CREB5: variants seen among roughly 807,000 people sequenced by gnomAD.
CREB5 encodes the protein cyclic AMP-responsive element-binding protein 5.
CREB5 carries 19 observed loss-of-function variants against 57.1 expected under a neutral mutation model. The observed-to-expected ratio is 0.33, with a 90% CI of 0.23 to 0.49. The LOEUF (loss-of-function observed/expected upper bound fraction) is 0.49, where lower values mean the gene tolerates loss of function less well. Ranked by LOEUF, CREB5 falls within the 20% of genes least tolerant of loss-of-function variation. The probability of loss-of-function intolerance (pLI) is 0.99; values close to 1 mark genes in which losing one functional copy is unlikely to be tolerated. For missense variants in CREB5, 579 were observed against 671.6 expected, an observed-to-expected ratio of 0.86 and a Z score of 1.52; for synonymous variants, 238 against 238.3, an observed-to-expected ratio of 1.00 and a Z score of 0.01.
At chr7:28,796,452 C>T (rs1157451924) in intron 7 of CREB5, among the ~76,000 whole-genome samples, 6 of 152,142 alleles carry the variant, frequency 3.9e-5, no homozygotes, top group Non-Finnish European at 8.8e-5. Context: ...CCACCCACTC[C>T]TCCCTCATCC....
intron 1 of CREB5, among the ~76,000 whole-genome samples, chr7:28,437,977 A>G (rs149356388): frequency 2.6e-5 from 4 of 152,084 alleles, no homozygotes; most frequent in Non-Finnish European, 4.4e-5. Context: ...TTATCCCTAC[A>G]TGACATTTTC....
In CREB5 at chr7:28,402,610, T is replaced by C. The variant is rs188083586; in HGVS notation, c.-24-92296T>C. On this transcript the variant is annotated intron_variant, in intron 1 of 9. Coordinates refer to the CREB5 transcript ENST00000396299. ...ATTTAATAAATGGTGCTGGGAAAACTGGCTGGCCATATGTAGAAAGCTGAA... is the reference window on the plus strand; with the variant it reads ...ATTTAATAAATGGTGCTGGGAAAACCGGCTGGCCATATGTAGAAAGCTGAA... Among the ~76,000 whole-genome samples, 1,040 of 152,332 alleles carry C rather than the reference T, an allele frequency of 6.8e-3. 11 individuals are homozygous for C. Among genetic ancestry groups the C allele is most frequent in the African/African-American group, 0.024 (984 of 41,572 alleles).
chr7:28,738,135 A>G (rs1354360732), intron 7 of CREB5, among the ~76,000 whole-genome samples: 2 of 152,208 alleles, frequency 1.3e-5, no homozygotes, highest in African/African-American at 4.8e-5. Context: ...ACCACCTAAA[A>G]TAGATTTTTA....
intron 7 of CREB5, among the ~76,000 whole-genome samples, chr7:28,760,072 G>T (rs778574232): frequency 2.0e-5 from 3 of 152,186 alleles, no homozygotes; most frequent in Admixed American, 6.5e-5. Context: ...CCAAGAGAAA[G>T]AATTTGGTTT....
chr7:28,330,088 C>A (rs1460433820), intron 1 of CREB5, among the ~76,000 whole-genome samples: 1 of 152,198 alleles, frequency 6.6e-6, no homozygotes, highest in Non-Finnish European at 1.5e-5. Context: ...GCCCAAGATG[C>A]CCTTGCTTGG....
At chr7:28,571,110 T>C (rs1462630682) in intron 5 of CREB5, among the ~76,000 whole-genome samples, 2 of 151,834 alleles carry the variant, frequency 1.3e-5, no homozygotes, top group Non-Finnish European at 2.9e-5. Flanking sequence ...GTGGGGCGTG[T>C]CCACAATGTG....
upstream of CREB5, chr7:28,410,201 TC>T (rs1470225171): frequency 2.2e-6 from 1 of 452,124 alleles, no homozygotes; most frequent in South Asian, 1.6e-5. Context: ...CGCTTGGCTT[TC>T]GCTCCAGGCG....
chr7:28,561,009 T>TGTGCGTGCGC lies in CREB5; in HGVS notation c.292-9353_292-9352insCGTGCGCGTG, dbSNP rs1562798521. Among the ~76,000 whole-genome samples, 4 of 49,284 alleles carry TGTGCGTGCGC rather than the reference T, an allele frequency of 8.1e-5. No homozygotes were observed. In the South Asian group the frequency reaches 3.6e-3, roughly 45 times the overall value. The allele number at this position is 49,284 out of a possible 152,430, so 32.3% of individuals were successfully genotyped here. Reference sequence around the variant, plus strand: ...GCGTGTGTGTGCCTGCGTGTGCGTGTGTGTGTGCGTGTGTGCGTGTGTGTG... The same window carrying TGTGCGTGCGC: ...GCGTGTGTGTGCCTGCGTGTGCGTGTGTGCGTGCGCGTGTGTGCGTGTGTGCGTGTGTGTG... On this transcript the variant is annotated intron_variant, in intron 4 of 10. Coordinates refer to ENST00000357727, the MANE Select transcript of CREB5 (RefSeq NM_182898.4).
chr7:28,522,402 T>TG (rs1793246064), intron 4 of CREB5, among the ~76,000 whole-genome samples: 1 of 149,808 alleles, frequency 6.7e-6, no homozygotes, highest in Non-Finnish European at 1.5e-5. Context: ...TTTTTTTTTT[T>TG]TTTTTTTTTC....
chr7:28,333,585 C>G (rs1005031342), intron 1 of CREB5, among the ~76,000 whole-genome samples: 1 of 152,158 alleles, frequency 6.6e-6, no homozygotes, highest in African/African-American at 2.4e-5. Flanking sequence ...ATTCTACTCT[C>G]TATCTCCATG....
At chr7:28,310,880 A>G (rs981403444) in intron 1 of CREB5, among the ~76,000 whole-genome samples, 1 of 152,220 alleles carries the variant, frequency 6.6e-6, no homozygotes, top group African/African-American at 2.4e-5. Flanking sequence ...TGCAGATCAT[A>G]ACCAAATTTT....
At chr7:28,792,889 T>TGGGTGGTC (rs1429139438) in intron 7 of CREB5, among the ~76,000 whole-genome samples, 2 of 152,160 alleles carry the variant, frequency 1.3e-5, no homozygotes, top group Non-Finnish European at 2.9e-5. Context: ...ATGTGCTGTT[T>TGGGTGGTC]GGGTGGTCAG....
intron 1 of CREB5, among the ~76,000 whole-genome samples, chr7:28,312,888 C>T (rs1785307612): frequency 6.6e-6 from 1 of 152,172 alleles, no homozygotes; most frequent in South Asian, 2.1e-4. Context: ...ATCAGTTTCT[C>T]ATTCCAAAAA....
chr7:28,380,872 T>G (rs1229295050), intron 1 of CREB5, among the ~76,000 whole-genome samples: 1 of 152,198 alleles, frequency 6.6e-6, no homozygotes, highest in Non-Finnish European at 1.5e-5. Flanking sequence ...TAGAATCAAC[T>G]GAGATCCTAT....
chr7:28,372,800 T>C (rs531450990), intron 1 of CREB5, among the ~76,000 whole-genome samples: 68 of 152,330 alleles, frequency 4.5e-4, no homozygotes, highest in African/African-American at 1.5e-3. Flanking sequence ...TAAATGACTT[T>C]CCTATTATCA....
intron 5 of CREB5, among the ~76,000 whole-genome samples, chr7:28,642,987 T>TACACACATACACAC (rs1562544746): frequency 0.028 from 2,768 of 98,342 alleles, 31 homozygotes; most frequent in East Asian, 0.034. Context: ...CACACACACA[T>TACACACATACACAC]ACACACACAC....
chr7:28,722,038 A>G (rs946477298), intron 6 of CREB5, among the ~76,000 whole-genome samples: 2 of 152,254 alleles, frequency 1.3e-5, no homozygotes, highest in African/African-American at 4.8e-5. Context: ...ACAGAGCCTT[A>G]TTAGTCCAAA....
At chr7:28,348,747 A>G (rs1211887172) in intron 1 of CREB5, among the ~76,000 whole-genome samples, 1 of 152,146 alleles carries the variant, frequency 6.6e-6, no homozygotes, top group African/African-American at 2.4e-5. Context: ...TGAGACAGCA[A>G]TTCAAGCCAG....
intron 1 of CREB5, among the ~76,000 whole-genome samples, chr7:28,393,046 T>A (rs1787254685): frequency 6.6e-6 from 1 of 152,140 alleles, no homozygotes; most frequent in Non-Finnish European, 1.5e-5. Context: ...TGTCTCAGCC[T>A]CCCAAACAGC....
Sources: gnomAD v4.1 joint callset for allele counts (sites outside exome capture counted in the v4.1 genomes callset) on GRCh38, gnomAD v4.1.1 for gene constraint, MANE v1.5 for transcripts, NCBI Gene and HGNC (gene_info 2026-07-23, HGNC 2026-07-21) for gene names.